Variants in GRM7 observed in about 807,000 individuals in gnomAD.
The protein encoded by GRM7 is metabotropic glutamate receptor 7.
In GRM7, 35 loss-of-function variants were observed where a neutral mutation model predicts 84.5. The observed-to-expected ratio is 0.41, with a 90% CI of 0.32 to 0.55. The LOEUF (loss-of-function observed/expected upper bound fraction) is 0.55, where lower values mean the gene tolerates loss of function less well. Among genes scored for constraint, GRM7 ranks in the 20% least tolerant of loss-of-function variants. The pLI is 0.19. For missense variants in GRM7, 1,003 were observed against 1,194.6 expected (o/e 0.84, Z 2.36); for synonymous variants, 487 against 455.1 (o/e 1.07, Z -0.89).
chr3:7,526,670 A>C (rs1312202867), intron 7 of GRM7, among the ~76,000 whole-genome samples: 1 of 152,030 alleles, frequency 6.6e-6, no homozygotes, highest in Non-Finnish European at 1.5e-5. Flanking sequence ...TTTAACATTT[A>C]AGTTTTTAAC....
intron 7 of GRM7, among the ~76,000 whole-genome samples, chr3:7,570,933 G>T (rs904812516): frequency 6.6e-6 from 1 of 152,178 alleles, no homozygotes; most frequent in Non-Finnish European, 1.5e-5. Flanking sequence ...GCATGCACAG[G>T]CTCAATACTC....
chr3:6,985,054 A>G (rs1694359132), intron 1 of GRM7, among the ~76,000 whole-genome samples: 1 of 152,130 alleles, frequency 6.6e-6, no homozygotes, highest in Admixed American at 6.5e-5. Context: ...GCCATTTATC[A>G]CATTTTCTTT....
At chr3:7,634,976 C>T (rs1433255827) in intron 8 of GRM7, among the ~76,000 whole-genome samples, 1 of 152,098 alleles carries the variant, frequency 6.6e-6, no homozygotes, top group Non-Finnish European at 1.5e-5. Flanking sequence ...GTAGTATTAA[C>T]CACAGGGTAC....
chr3:7,454,082 A>ACACACACACACACG (rs1697896534), intron 6 of GRM7, among the ~76,000 whole-genome samples: 1 of 32,492 alleles, frequency 3.1e-5, no homozygotes, highest in African/African-American at 6.5e-5. Flanking sequence ...ATGAAAAGCT[A>ACACACACACACACG]CACACACACT....
chr3:7,577,168 G>C (rs540872294), intron 7 of GRM7, among the ~76,000 whole-genome samples: 2 of 152,144 alleles, frequency 1.3e-5, no homozygotes, highest in Non-Finnish European at 2.9e-5. Flanking sequence ...TGCCATCTCT[G>C]ACCCAATATC....
chr3:7,724,999 CA>C (rs1702074334), intron 9 of GRM7, among the ~76,000 whole-genome samples: 1 of 152,086 alleles, frequency 6.6e-6, no homozygotes, highest in Admixed American at 6.6e-5. Flanking sequence ...ATGCTATTCT[CA>C]AACTCCTAGC....
At chr3:7,265,297 T>C (rs1381714635) in intron 2 of GRM7, among the ~76,000 whole-genome samples, 2 of 152,266 alleles carry the variant, frequency 1.3e-5, no homozygotes, top group African/African-American at 2.4e-5. Context: ...AATGTCTTTA[T>C]GTAATTTGCT....
At chr3:7,339,958 G>T (rs1409022033) in intron 4 of GRM7, among the ~76,000 whole-genome samples, 1 of 152,004 alleles carries the variant, frequency 6.6e-6, no homozygotes, top group Non-Finnish European at 1.5e-5. Flanking sequence ...AATTATCTAG[G>T]AGTCTGAATC....
intron 4 of GRM7, among the ~76,000 whole-genome samples, chr3:7,361,002 A>C (rs9879939): frequency 0.59 from 89,034 of 151,338 alleles, 27,118 homozygotes; most frequent in African/African-American, 0.77. Context: ...TGGCTCTTGA[A>C]CTGATGCCTA....
In GRM7 at chr3:7,230,933, A is replaced by T. The variant is rs150200073; in HGVS notation, c.737-67751A>T. Among the ~76,000 whole-genome samples, 7 of 152,274 alleles carry T rather than the reference A, an allele frequency of 4.6e-5. No homozygotes were observed. In the East Asian group the frequency reaches 1.4e-3, roughly 29 times the overall value. On this transcript the variant is annotated intron_variant, in intron 2 of 9. Coordinates refer to ENST00000357716, the MANE Select transcript of GRM7 (RefSeq NM_000844.4). ...TAATGTTATAGGTCATTACCATCTC[A>T]ATTGGACCACCAGAAACAGCATTCA...
chr3:7,656,510 C>T lies in GRM7; in HGVS notation c.2452-23539C>T, dbSNP rs867213369. ...GACTCTGTCTCAAAAAACAAACAAA[C>T]AAATAAAAAAAAATATATATATATA... On this transcript the variant is annotated intron_variant, in intron 8 of 9. Coordinates refer to ENST00000357716, the MANE Select transcript of GRM7 (RefSeq NM_000844.4). Among the ~76,000 whole-genome samples, 400 of 81,684 alleles carry T rather than the reference C, an allele frequency of 4.9e-3. 5 individuals are homozygous for T. Among genetic ancestry groups the T allele is most frequent in the Middle Eastern group, 0.03 (5 of 166 alleles). 53.6% of individuals were successfully genotyped at this position (81,684 alleles called of 152,430 possible).
In GRM7 at chr3:7,740,424, A is replaced by T. The variant is rs546106018; in HGVS notation, c.*18A>T. Reference sequence around the variant, plus strand: ...TTATCTAACCTGTTCCATTCCATGGAACCATGGAGGAGGAAGACCCTCAGT... The same window carrying T: ...TTATCTAACCTGTTCCATTCCATGGTACCATGGAGGAGGAAGACCCTCAGT... On this transcript the variant is annotated 3_prime_UTR_variant, in exon 10 of 10. Coordinates refer to ENST00000357716, the MANE Select transcript of GRM7 (RefSeq NM_000844.4). 2.4e-5 allele frequency: 34 copies of T among 1,436,696 alleles called. No individual in the cohort carries two copies. The South Asian group carries it at 3.4e-4, about 14-fold the overall frequency. The allele number at this position is 1,436,696 out of a possible 1,614,324, so 89.0% of individuals were successfully genotyped here. A position where few individuals can be genotyped will look rare whatever the true frequency, so the allele number is the denominator to read the frequency against.
intron 4 of GRM7, among the ~76,000 whole-genome samples, chr3:7,411,200 A>C (rs1056746203): frequency 2.0e-5 from 3 of 152,192 alleles, no homozygotes; most frequent in African/African-American, 7.2e-5. Context: ...AATTAATTTT[A>C]TTTGTGATGT....
chr3:7,277,978 T>C (rs1463487392), intron 2 of GRM7, among the ~76,000 whole-genome samples: 2 of 152,110 alleles, frequency 1.3e-5, no homozygotes, highest in Non-Finnish European at 2.9e-5. Context: ...ACATTATTGC[T>C]GAGAACAAAT....
intron 1 of GRM7, among the ~76,000 whole-genome samples, chr3:7,007,253 A>G (rs1194724110): frequency 6.6e-6 from 1 of 152,150 alleles, no homozygotes; most frequent in Non-Finnish European, 1.5e-5. Context: ...TTCTCCATCA[A>G]TCAAACGGAG....
At chr3:6,987,524 C>T (rs1316391815) in intron 1 of GRM7, among the ~76,000 whole-genome samples, 1 of 152,098 alleles carries the variant, frequency 6.6e-6, no homozygotes, top group Admixed American at 6.5e-5. Flanking sequence ...ACAGTATTGC[C>T]TGGCACAGGT....
chr3:6,955,341 G>A (rs1208097925), intron 1 of GRM7, among the ~76,000 whole-genome samples: 1 of 152,098 alleles, frequency 6.6e-6, no homozygotes, highest in East Asian at 1.9e-4. Flanking sequence ...CTCCAGACCA[G>A]CCTGGTCCAA....
chr3:7,184,615 G>A lies in GRM7; in HGVS notation c.736+37947G>A, dbSNP rs142999487. 3.3e-5 allele frequency among the ~76,000 whole-genome samples: 5 copies of A among 152,000 alleles called. 1 individual carries two copies. Among genetic ancestry groups the A allele is most frequent in the African/African-American group, 7.2e-5 (3 of 41,456 alleles). On this transcript the variant is annotated intron_variant, in intron 2 of 9. Transcript: ENST00000357716. ...CTTTCTCTCTCCATGAATGTGTCAT[G>A]GTACTTTCCATGCATATAATTAGAA...
chr3:7,467,213 G>A (rs1295206241), intron 7 of GRM7, among the ~76,000 whole-genome samples: 1 of 152,040 alleles, frequency 6.6e-6, no homozygotes, highest in African/African-American at 2.4e-5. Context: ...TCAGCCTCCT[G>A]AGTATCTGGG....
Sources: allele counts gnomAD v4.1 joint callset (sites outside exome capture counted in the v4.1 genomes callset), GRCh38; gene constraint gnomAD v4.1.1; transcripts MANE v1.5; gene names NCBI Gene and HGNC (gene_info 2026-07-23, HGNC 2026-07-21).